Variants in PTPRD observed in about 807,000 individuals in gnomAD.
PTPRD encodes protein tyrosine phosphatase receptor type D, also known as receptor-type tyrosine-protein phosphatase delta.
In PTPRD, 34 loss-of-function variants were observed where a neutral mutation model predicts 214.5. The ratio of observed to expected loss-of-function variants is 0.16; its 90% CI spans 0.12 to 0.21. The LOEUF is 0.21. Ranked by LOEUF, PTPRD falls within the 10% of genes least tolerant of loss-of-function variation. The pLI, the probability that PTPRD is intolerant of heterozygous loss-of-function variation, is 1.00. For synonymous variants in PTPRD, 1,128 were observed against 845.7 expected, an observed-to-expected ratio of 1.33 and a Z score of -5.79; for missense variants, 2,545 against 2,398.7, an observed-to-expected ratio of 1.06 and a Z score of -1.27.
intron 14 of PTPRD, among the ~76,000 whole-genome samples, chr9:8,628,022 A>G (rs2096104908): frequency 6.6e-6 from 1 of 151,896 alleles, no homozygotes. Flanking sequence ...AGTCAGTACC[A>G]TAATTGTCAG....
chr9:9,505,621 G>A (rs908255740), intron 8 of PTPRD, among the ~76,000 whole-genome samples: 5 of 151,448 alleles, frequency 3.3e-5, no homozygotes, highest in African/African-American at 4.8e-5. Flanking sequence ...TGGCCATACT[G>A]CATTCTATGA....
At chr9:8,394,821 A>T (rs1162803162) in intron 36 of PTPRD, among the ~76,000 whole-genome samples, 1 of 152,124 alleles carries the variant, frequency 6.6e-6, no homozygotes, top group Non-Finnish European at 1.5e-5. Flanking sequence ...TTTTTCACTG[A>T]GGCTGCTACT....
chr9:8,808,713 T>C (rs560516706), intron 11 of PTPRD, among the ~76,000 whole-genome samples: 57 of 152,212 alleles, frequency 3.7e-4, no homozygotes, highest in African/African-American at 1.3e-3. Flanking sequence ...ATGAAATGTA[T>C]ATATGTTCTA....
intron 3 of PTPRD, among the ~76,000 whole-genome samples, chr9:10,038,332 C>T (rs1224574008): frequency 6.6e-6 from 1 of 151,960 alleles, no homozygotes; most frequent in African/African-American, 2.4e-5. Context: ...CTGATAAATC[C>T]CAAATATATA....
intron 5 of PTPRD, among the ~76,000 whole-genome samples, chr9:9,918,351 T>A (rs369258859): frequency 3.6e-3 from 365 of 101,876 alleles, no homozygotes; most frequent in Non-Finnish European, 4.1e-3. Flanking sequence ...ACCAAAGAGG[T>A]AAAAAAAAAA....
chr9:9,766,121 TCA>T lies in PTPRD; in HGVS notation c.-326+687_-326+688del, dbSNP rs200363324. On this transcript the variant is annotated intron_variant, in intron 6 of 45. Transcript: ENST00000381196. ...GAATCTTAGTTCCCTTACTCAGTACTCACAGGTTTTCCTCTATGTAACGTTTA... is the reference window on the plus strand; with the variant it reads ...GAATCTTAGTTCCCTTACTCAGTACTCAGGTTTTCCTCTATGTAACGTTTA... Among the ~76,000 whole-genome samples the T allele has an allele frequency of 9.5e-4, 145 of 152,346 alleles. 1 individual carries two copies. In the East Asian group the frequency reaches 0.025, roughly 27 times the overall value.
intron 11 of PTPRD, among the ~76,000 whole-genome samples, chr9:8,906,159 T>G (rs376337150): frequency 2.0e-5 from 3 of 152,354 alleles, no homozygotes; most frequent in South Asian, 4.1e-4. Flanking sequence ...GAAATTTTCC[T>G]GACTAGATGA....
intron 7 of PTPRD, among the ~76,000 whole-genome samples, chr9:9,698,975 T>A (rs1250938949): frequency 2.0e-5 from 3 of 152,164 alleles, no homozygotes; most frequent in African/African-American, 4.8e-5. Flanking sequence ...GTTCCTTGTG[T>A]CTAACTTTTT....
intron 8 of PTPRD, among the ~76,000 whole-genome samples, chr9:9,437,766 G>C (rs1321803211): frequency 6.6e-6 from 1 of 152,086 alleles, no homozygotes; most frequent in African/African-American, 2.4e-5. Flanking sequence ...TGCTGCTCTG[G>C]GTTCAAATTT....
chr9:8,853,529 G>T (rs2097857583), intron 11 of PTPRD, among the ~76,000 whole-genome samples: 1 of 152,146 alleles, frequency 6.6e-6, no homozygotes, highest in African/African-American at 2.4e-5. Flanking sequence ...TACCCATATA[G>T]AAAATGTATC....
intron 37 of PTPRD, among the ~76,000 whole-genome samples, chr9:8,377,719 A>G (rs1240911011): frequency 1.3e-5 from 2 of 152,124 alleles, no homozygotes; most frequent in African/African-American, 4.8e-5. Context: ...TATTTGAAAA[A>G]GAACAGAAAA....
intron 4 of PTPRD, among the ~76,000 whole-genome samples, chr9:9,954,527 T>G (rs902635739): frequency 1.3e-5 from 2 of 150,494 alleles, no homozygotes; most frequent in Non-Finnish European, 3.0e-5. Flanking sequence ...GACAATAAAT[T>G]TTTCATAGTT....
intron 7 of PTPRD, among the ~76,000 whole-genome samples, chr9:9,646,302 GGTGTGT>G (rs890972498): frequency 1.4e-5 from 2 of 142,296 alleles, no homozygotes; most frequent in African/African-American, 5.4e-5. Context: ...TTTTGGGAGG[GGTGTGT>G]GTGTGTGTGG....
chr9:9,240,375 A>G (rs2099969754), intron 9 of PTPRD, among the ~76,000 whole-genome samples: 1 of 152,154 alleles, frequency 6.6e-6, no homozygotes, highest in Non-Finnish European at 1.5e-5. Context: ...GTAAACAAAC[A>G]TAAAAATTCT....
intron 11 of PTPRD, among the ~76,000 whole-genome samples, chr9:8,924,171 T>C (rs1336720815): frequency 6.6e-6 from 1 of 152,172 alleles, no homozygotes; most frequent in Non-Finnish European, 1.5e-5. Flanking sequence ...TCAGTGCTTC[T>C]GAGAAAGGGA....
At chr9:10,174,034 T>C (rs1298688026) in intron 3 of PTPRD, among the ~76,000 whole-genome samples, 1 of 152,164 alleles carries the variant, frequency 6.6e-6, no homozygotes, top group Non-Finnish European at 1.5e-5. Context: ...TAGAACTCTA[T>C]GTCTGAGCAG....
chr9:10,242,066 A>G (rs2091181480), intron 3 of PTPRD, among the ~76,000 whole-genome samples: 1 of 152,002 alleles, frequency 6.6e-6, no homozygotes, highest in South Asian at 2.1e-4. Context: ...GGTGCCATGA[A>G]TTAAAGACTA....
chr9:9,715,338 T>C (rs2097800032), intron 7 of PTPRD, among the ~76,000 whole-genome samples: 1 of 152,188 alleles, frequency 6.6e-6, no homozygotes, highest in African/African-American at 2.4e-5. Context: ...TCTGTAAATG[T>C]TTGTTGAATT....
intron 7 of PTPRD, among the ~76,000 whole-genome samples, chr9:9,592,079 T>G (rs1352220717): frequency 6.6e-6 from 1 of 152,080 alleles, no homozygotes; most frequent in Non-Finnish European, 1.5e-5. Context: ...TCTTAAGGCT[T>G]TTTTCAATAT....
Sources: allele counts gnomAD v4.1 joint callset (sites outside exome capture counted in the v4.1 genomes callset), GRCh38; gene constraint gnomAD v4.1.1; transcripts MANE v1.5; gene names NCBI Gene and HGNC (gene_info 2026-07-23, HGNC 2026-07-21).